The following KIF18A variants were observed in gnomAD, a reference collection of about 807,000 sequenced individuals.
KIF18A encodes the protein kinesin family member 18A.
A neutral mutation model predicts 103.3 loss-of-function variants in KIF18A; 67 were observed. That is an observed-to-expected ratio of 0.65 (90% CI 0.53 to 0.79). The LOEUF is 0.79. Ranked by LOEUF, KIF18A falls within the 30% of genes least tolerant of loss-of-function variation. The pLI is 0.00. For missense variants in KIF18A, 1,032 were observed against 1,062.5 expected, an observed-to-expected ratio of 0.97 and a Z score of 0.40; for synonymous variants, 367 against 355.5, an observed-to-expected ratio of 1.03 and a Z score of -0.36.
chr11:28,061,168 T>A (rs1430756452), intron 12 of KIF18A, among the ~76,000 whole-genome samples: 13 of 152,206 alleles, frequency 8.5e-5, no homozygotes, highest in Non-Finnish European at 1.8e-4. Context: ...TTATGTTTAA[T>A]CTTTTCAAAA....
Position 28,036,314 on chromosome 11 carries a change from C to A in KIF18A, c.2299G>T (p.Asp767Tyr). 4.3e-6 allele frequency: 7 copies of A among 1,610,482 alleles called. No individual in the cohort carries two copies. The highest frequency in any genetic ancestry group is 5.9e-6 in the Non-Finnish European group (7 of 1,177,658). The change falls in exon 14 of 17, where the codon GAC (aspartate) becomes TAC (tyrosine). Residue 767 changes from aspartate (D) to tyrosine (Y), a missense_variant. Physicochemically the swap from Asp to Tyr is radical, Grantham distance 160. Transcript: ENST00000263181. The stretch of plus-strand genomic sequence containing the variant: ...TCTTCACATATAGTAAATGTAGAGT[C>A]CAAGTCCTCCTGTCCACATTCTTTT... Reference protein sequence around the residue: ...RRKECGQEDLDSTFTICEDIK... With the variant: ...RRKECGQEDLYSTFTICEDIK...
chr11:28,026,154 T>A (rs1012527421), intron 15 of KIF18A, among the ~76,000 whole-genome samples: 7 of 151,842 alleles, frequency 4.6e-5, no homozygotes, highest in African/African-American at 1.7e-4. Context: ...AAATATTAAA[T>A]AAATTGTTAA....
At chr11:28,078,082 A>C (rs1025012675) in intron 9 of KIF18A, among the ~76,000 whole-genome samples, 1 of 152,186 alleles carries the variant, frequency 6.6e-6, no homozygotes, top group Non-Finnish European at 1.5e-5. Context: ...AACAGTGAAG[A>C]CTTTAAAATA....
chr11:28,052,519 G>T (rs1850724154), intron 13 of KIF18A, among the ~76,000 whole-genome samples: 1 of 151,924 alleles, frequency 6.6e-6, no homozygotes. Context: ...TCTTCTCCCA[G>T]ATATTCATAT....
chr11:28,085,795 C>T (rs1287602208), intron 6 of KIF18A, among the ~76,000 whole-genome samples: 1 of 152,078 alleles, frequency 6.6e-6, no homozygotes, highest in Non-Finnish European at 1.5e-5. Flanking sequence ...TTATTACAAT[C>T]TCTCGTCTCC....
intron 12 of KIF18A, 84 bp from the exon 13 acceptor site, chr11:28,059,245 G>A (rs1473524397): frequency 3.4e-6 from 3 of 890,050 alleles, no homozygotes; most frequent in Non-Finnish European, 5.3e-6. Flanking sequence ...AACACCCAAA[G>A]CATTAGCATA....
At chr11:28,072,185 T>C (rs1287001177) in intron 10 of KIF18A, among the ~76,000 whole-genome samples, 4 of 152,140 alleles carry the variant, frequency 2.6e-5, no homozygotes, top group Non-Finnish European at 5.9e-5. Context: ...AAGCTTTACA[T>C]ATTTCATTAA....
At position 28,088,608 on chromosome 11, in the gene KIF18A, C is replaced by T; in HGVS notation, c.813G>A (p.Lys271=). The T allele has an allele frequency of 6.2e-7, 1 of 1,614,016 alleles. No individual in the cohort carries two copies. Among genetic ancestry groups the T allele is most frequent in the Non-Finnish European group, 8.5e-7 (1 of 1,179,960 alleles). Residue 271 remains lysine (K), a synonymous_variant, in exon 6 of 17, where the codon AAG becomes AAA. Transcript: ENST00000263181. The stretch of plus-strand genomic sequence containing the variant: ...TTGTGCCTTCTACAAATCGGGTCCC[C>T]TTAGCACCGGAAGTACTTGCTCGCT... ...GSERASTSGA[K]GTRFVEGTNI...
intron 9 of KIF18A, among the ~76,000 whole-genome samples, chr11:28,082,470 T>G (rs1454252071): frequency 6.6e-6 from 1 of 152,132 alleles, no homozygotes; most frequent in Non-Finnish European, 1.5e-5. Flanking sequence ...TGCTGAAGGT[T>G]CAGATTATCA....
intron 1 of KIF18A, among the ~76,000 whole-genome samples, chr11:28,103,826 T>G (rs2133571122): frequency 6.6e-6 from 1 of 152,084 alleles, no homozygotes; most frequent in African/African-American, 2.4e-5. Flanking sequence ...CCCTGAGGCA[T>G]CAAAAAGAAA....
chr11:28,057,136 C>A (rs752277375), intron 13 of KIF18A, among the ~76,000 whole-genome samples: 1 of 151,804 alleles, frequency 6.6e-6, no homozygotes, highest in Non-Finnish European at 1.5e-5. Context: ...AACAAATAAA[C>A]AAAAATTTCC....
chr11:28,050,793 C>A (rs950129376), intron 13 of KIF18A, among the ~76,000 whole-genome samples: 1 of 151,584 alleles, frequency 6.6e-6, no homozygotes, highest in South Asian at 2.1e-4. Context: ...TTTCCAGACC[C>A]CAAAATAGGT....
chr11:28,049,247 G>A (rs998180482), intron 13 of KIF18A, among the ~76,000 whole-genome samples: 1 of 151,672 alleles, frequency 6.6e-6, no homozygotes, highest in African/African-American at 2.4e-5. Context: ...CTTAAGTAGA[G>A]GGGGCTTTAT....
intron 16 of KIF18A, among the ~76,000 whole-genome samples, chr11:28,022,495 C>T (rs912494870): frequency 2.6e-5 from 4 of 152,128 alleles, no homozygotes; most frequent in Non-Finnish European, 5.9e-5. Context: ...TCTCGATCTC[C>T]TGACCTCGTG....
intron 6 of KIF18A, 49 bp from the exon 7 acceptor site, chr11:28,084,857 A>C (rs745655973): frequency 6.9e-7 from 1 of 1,453,408 alleles, no homozygotes; most frequent in South Asian, 1.2e-5. Context: ...ATTTAAATGC[A>C]AACCTGCTAC....
At position 28,092,271 on chromosome 11, in the gene KIF18A, G is replaced by A. The variant is rs147927062; in HGVS notation, c.484-758C>T. Among the ~76,000 whole-genome samples, 675 of 152,170 alleles carry A rather than the reference G, an allele frequency of 4.4e-3. 6 individuals carry two copies. The highest frequency in any genetic ancestry group is 0.014 in the African/African-American group (581 of 41,488). On this transcript the variant is annotated intron_variant, in intron 3 of 16. Coordinates refer to ENST00000263181, the MANE Select transcript of KIF18A (RefSeq NM_031217.4). ...ACTTTTGAAATTTTAGAGCTTAAAT[G>A]TTACAGAAAACCCATACCAAGGACA...
At chr11:28,094,477 T>TAA (rs201296054) in intron 3 of KIF18A, among the ~76,000 whole-genome samples, 166 bp downstream of exon 3, 7,464 of 137,458 alleles carry the variant, frequency 0.054, 635 homozygotes, top group African/African-American at 0.18. Flanking sequence ...TTTGCCAAAG[T>TAA]AAAAAAAAAA....
At chr11:28,034,832 C>T (rs1179941829) in intron 15 of KIF18A, among the ~76,000 whole-genome samples, 2 of 151,656 alleles carry the variant, frequency 1.3e-5, no homozygotes, top group Non-Finnish European at 3.0e-5. Flanking sequence ...GGATCTCAGG[C>T]TCTCCATCCT....
intron 15 of KIF18A, among the ~76,000 whole-genome samples, chr11:28,032,095 T>C (rs1850418162): frequency 7.8e-6 from 1 of 128,014 alleles, no homozygotes; most frequent in Admixed American, 7.2e-5. Context: ...ATACAAACAC[T>C]GAAATAATTT....
Sources: allele counts gnomAD v4.1 joint callset (sites outside exome capture counted in the v4.1 genomes callset), GRCh38; gene constraint gnomAD v4.1.1; transcripts MANE v1.5; gene names NCBI Gene and HGNC (gene_info 2026-07-23, HGNC 2026-07-21).